Variants in PLEKHG5 observed in about 807,000 individuals in gnomAD.
PLEKHG5 encodes the protein pleckstrin homology domain-containing family G member 5.
Under a neutral mutation model 103.8 loss-of-function variants are expected in PLEKHG5, and 52 were observed. The ratio of observed to expected loss-of-function variants is 0.50; its 90% CI spans 0.40 to 0.63. The LOEUF is 0.63. Ranked by LOEUF, PLEKHG5 falls within the 30% of genes least tolerant of loss-of-function variation. The pLI is 0.00. For synonymous variants in PLEKHG5, 592 were observed against 575.5 expected, an observed-to-expected ratio of 1.03 and a Z score of -0.41; for missense variants, 1,205 against 1,347.6, an observed-to-expected ratio of 0.89 and a Z score of 1.66.
intron 2 of PLEKHG5, 23 bp downstream of exon 2, chr1:6,477,506 C>T: frequency 6.2e-7 from 1 of 1,607,884 alleles, no homozygotes; most frequent in Non-Finnish European, 8.5e-7. Context: ...GGGGGCCGAG[C>T]TGCGGCTCCC....
Position 6,490,888 on chromosome 1 carries a change from G to A in PLEKHG5, c.-88+749C>T, listed in dbSNP as rs1244225147. Among the ~76,000 whole-genome samples, 1 of 152,174 alleles carries A rather than the reference G, an allele frequency of 6.6e-6. No individual in the cohort carries two copies. The highest frequency in any genetic ancestry group is 1.5e-5 in the Non-Finnish European group (1 of 68,032). The stretch of plus-strand genomic sequence containing the variant: ...AGACGGGAGCTCGCCCATCCCGGAA[G>A]GGGGCTAGGGGGGACCAGGGCCCGC... On this transcript the variant is annotated intron_variant, in intron 1 of 20. Coordinates refer to ENST00000377728, the MANE Select transcript of PLEKHG5 (RefSeq NM_020631.6). This position sits in a 1 kb window ranked among gnomAD's most constrained non-coding sequence, Gnocchi z 8.0.
chr1:6,497,335 C>A (rs1260383463), upstream of PLEKHG5: 2 of 1,004,566 alleles, frequency 2.0e-6, no homozygotes, highest in South Asian at 4.8e-5. The surrounding 1 kb of genome is among the most constrained non-coding windows in gnomAD (Gnocchi z 6.1). Context: ...GAGCAGGCCC[C>A]GTGCCGCGCG....
chr1:6,474,132 C>T lies in PLEKHG5; in HGVS notation c.472G>A (p.Glu158Lys). The T allele has an allele frequency of 6.2e-7, 1 of 1,613,576 alleles. No individual in the cohort carries two copies. The highest frequency in any genetic ancestry group is 1.1e-5 in the South Asian group (1 of 91,064). Residue 158 changes from glutamate to lysine, a missense_variant, in exon 7 of 21, where the codon GAG becomes AAG. Transcript: ENST00000377728. ...PAKPGDEGKV[E>K]QGMKDSKSLS... ...GACTTGGAGTCCTTCATGCCCTGCT[C>T]CACCTTGCCCTCATCTCCAGGCTTG...
At chr1:6,497,882 G>GCA (rs1046826889), upstream of PLEKHG5, among the ~76,000 whole-genome samples, 5 of 152,156 alleles carry the variant, frequency 3.3e-5, no homozygotes, top group Non-Finnish European at 7.4e-5. The surrounding 1 kb of genome is among the most constrained non-coding windows in gnomAD (Gnocchi z 6.1). Context: ...ACAGAGAAGT[G>GCA]CACCTGTCCT....
At position 6,474,102 on chromosome 1, in the gene PLEKHG5, T is replaced by C. The variant is rs766056411; in HGVS notation, c.502A>G (p.Ser168Gly). The C allele has an allele frequency of 6.2e-7, 1 of 1,612,900 alleles. No homozygotes were observed. Among genetic ancestry groups the C allele is most frequent in the Non-Finnish European group, 8.5e-7 (1 of 1,179,816 alleles). Reference protein sequence around the residue: ...EQGMKDSKSLSLPILRPAGTG... With the variant: ...EQGMKDSKSLGLPILRPAGTG... ...CCAGCTGGCCGCAGAATCGGCAAAC[T>C]CAGGGACTTGGAGTCCTTCATGCCC... The change falls in exon 7 of 21, where the codon AGT becomes GGT. Residue 168 changes from serine (S) to glycine (G), a missense_variant. Transcript: ENST00000377728.
chr1:6,482,011 T>C (rs944500159), intron 1 of PLEKHG5, among the ~76,000 whole-genome samples: 7 of 151,734 alleles, frequency 4.6e-5, no homozygotes, highest in African/African-American at 1.7e-4. Context: ...CCCACTGGCC[T>C]CCTGGTCGTT....
intron 6 of PLEKHG5, 69 bp from the exon 7 acceptor site, chr1:6,474,233 C>G: frequency 2.6e-6 from 4 of 1,566,464 alleles, no homozygotes; most frequent in Admixed American, 1.7e-5. Flanking sequence ...CCGGTCCTCT[C>G]TCCCCGGAGG....
chr1:6,496,768 G>C (rs1645231784), upstream of PLEKHG5: 2 of 552,602 alleles, frequency 3.6e-6, no homozygotes, highest in Admixed American at 7.4e-5. Flanking sequence ...GCAGTCCTCA[G>C]GGAAATTATC....
In PLEKHG5 at chr1:6,470,517, C is replaced by G. The variant is rs754429270; in HGVS notation, c.1669G>C (p.Glu557Gln). 5 of 1,609,818 alleles carry G rather than the reference C, an allele frequency of 3.1e-6. No individual in the cohort carries two copies. The highest frequency in any genetic ancestry group is 4.2e-6 in the Non-Finnish European group (5 of 1,179,956). ...AYEVVESSSD[E>Q]VDKLLKEFLH... ...ACACACACGCCCACCTTGTCCACTT[C>G]GTCGCTGCTGCTTTCCACCACCTCG... The change falls in exon 15 of 21, where the codon GAA becomes CAA. Residue 557 changes from glutamate to glutamine, a missense_variant. Glu to Gln is a conservative substitution (Grantham distance 29). Coordinates refer to ENST00000377728, the MANE Select transcript of PLEKHG5 (RefSeq NM_020631.6).
chr1:6,474,529 A>G lies in PLEKHG5; in HGVS notation c.361T>C (p.Tyr121His). The change falls in exon 6 of 21, where the codon TAC (tyrosine) becomes CAC (histidine). Residue 121 changes from tyrosine (Y) to histidine (H), a missense_variant. Coordinates refer to ENST00000377728, the MANE Select transcript of PLEKHG5 (RefSeq NM_020631.6). ...KGIALGKVDI[Y>H]LDQSNTPLSL... ...AGGGGTGTGTTGGACTGGTCCAGGT[A>G]GATGTCCACTTTGCCCAGCGCAATG... is the stretch of plus-strand genomic sequence containing the variant. 2 of 1,613,840 alleles carry G rather than the reference A, an allele frequency of 1.2e-6. No individual in the cohort carries two copies. The highest frequency in any genetic ancestry group is 1.3e-5 in the African/African-American group (1 of 75,028).
upstream of PLEKHG5, among the ~76,000 whole-genome samples, chr1:6,495,598 G>T (rs111866863): frequency 2.2e-3 from 334 of 152,302 alleles, 1 homozygote; most frequent in African/African-American, 7.8e-3. Context: ...ATCTGTAAAT[G>T]AGAATAAGGA....
At chr1:6,516,747 G>C (rs1487880107) in intron 1 of PLEKHG5, among the ~76,000 whole-genome samples, 2 of 98,118 alleles carry the variant, frequency 2.0e-5, no homozygotes. Context: ...ATATATATGT[G>C]TGTGTGTATA....
In PLEKHG5 at chr1:6,475,155, G is replaced by A. The variant is rs1644721876; in HGVS notation, c.211-17C>T. 1.4e-6 allele frequency: 2 copies of A among 1,458,620 alleles called. No individual in the cohort carries two copies. Among genetic ancestry groups the A allele is most frequent in the Non-Finnish European group, 1.9e-6 (2 of 1,039,482 alleles). The allele number at this position is 1,458,620 out of a possible 1,614,324, so 90.4% of individuals were successfully genotyped here. A position where few individuals can be genotyped will look rare whatever the true frequency, so the allele number is the denominator to read the frequency against. On this transcript the variant is annotated splice_polypyrimidine_tract_variant and intron_variant, in intron 4 of 20. Transcript: ENST00000377728. ...GCTTGGGTCCTGGGAGGATGGTGGG[G>A]GTGGGGGCTGTGAGCTTCTCCTCAC...
chr1:6,476,132 C>A (rs1644760699), intron 2 of PLEKHG5, 96 bp from the exon 3 acceptor site: 2 of 1,015,616 alleles, frequency 2.0e-6, no homozygotes, highest in Admixed American at 3.8e-5. Flanking sequence ...TACCCTGGAA[C>A]CCCCAGATTA....
upstream of PLEKHG5, among the ~76,000 whole-genome samples, chr1:6,501,427 G>A (rs566852784): frequency 2.6e-5 from 4 of 152,258 alleles, no homozygotes; most frequent in Admixed American, 6.5e-5. This position sits in a 1 kb window ranked among gnomAD's most constrained non-coding sequence, Gnocchi z 4.3. Context: ...CCAGGTGAAC[G>A]TGTCCTTGCT....
At chr1:6,496,954 C>G (rs1156908742), upstream of PLEKHG5, 18 of 1,527,952 alleles carry the variant, frequency 1.2e-5, no homozygotes, top group East Asian at 1.8e-4. Context: ...CCCTGAGAAC[C>G]TTACGCCCTG....
At chr1:6,488,016 C>T (rs563203085) in intron 1 of PLEKHG5, among the ~76,000 whole-genome samples, 31 of 152,354 alleles carry the variant, frequency 2.0e-4, no homozygotes, top group African/African-American at 7.0e-4. Context: ...GCCTTCCCCA[C>T]TGCCAGACCG....
rs1346810555 is a variant in PLEKHG5 at position 6,474,101 on chromosome 1, C to A, written c.503G>T (p.Ser168Ile). Reference protein sequence around the residue: ...EQGMKDSKSLSLPILRPAGTG... With the variant: ...EQGMKDSKSLILPILRPAGTG... Reference sequence around the variant, plus strand: ...CCCAGCTGGCCGCAGAATCGGCAAACTCAGGGACTTGGAGTCCTTCATGCC... The same window carrying A: ...CCCAGCTGGCCGCAGAATCGGCAAAATCAGGGACTTGGAGTCCTTCATGCC... Residue 168 changes from serine to isoleucine, a missense_variant, in exon 7 of 21, where the codon AGT (serine) becomes ATT (isoleucine). Transcript: ENST00000377728. 6.2e-7 allele frequency: 1 copy of A among 1,613,242 alleles called. No individual in the cohort carries two copies. Among genetic ancestry groups the A allele is most frequent in the Non-Finnish European group, 8.5e-7 (1 of 1,179,936 alleles).
At chr1:6,497,198 G>T (rs1645239627), upstream of PLEKHG5, 1 of 860,514 alleles carries the variant, frequency 1.2e-6, no homozygotes, top group Non-Finnish European at 1.9e-6. The surrounding 1 kb of genome is among the most constrained non-coding windows in gnomAD (Gnocchi z 6.1). Context: ...GGTACGAGCG[G>T]CCCGAAGCCC....
Sources: gnomAD v4.1 joint callset for allele counts (sites outside exome capture counted in the v4.1 genomes callset) on GRCh38, gnomAD v4.1.1 for gene constraint, Gnocchi (gnomAD v3.1) non-coding constraint, MANE v1.5 for transcripts, NCBI Gene and HGNC (gene_info 2026-07-23, HGNC 2026-07-21) for gene names.